The following ANKS1B variants were observed in gnomAD, a reference collection of about 807,000 sequenced individuals.
ANKS1B encodes the protein ankyrin repeat and sterile alpha motif domain-containing protein 1B.
Under a neutral mutation model 148.3 loss-of-function variants are expected in ANKS1B, and 36 were observed. That is an observed-to-expected ratio of 0.24 (90% CI 0.19 to 0.32). ANKS1B has a LOEUF of 0.32. Among genes scored for constraint, ANKS1B ranks in the 10% least tolerant of loss-of-function variants. The probability of loss-of-function intolerance (pLI) is 1.00; values close to 1 mark genes in which losing one functional copy is unlikely to be tolerated. For missense variants in ANKS1B, 1,157 were observed against 1,542.6 expected, an observed-to-expected ratio of 0.75 and a Z score of 4.19; for synonymous variants, 542 against 560.8, an observed-to-expected ratio of 0.97 and a Z score of 0.47.
chr12:98,887,757 G>A (rs1234488607), intron 17 of ANKS1B, among the ~76,000 whole-genome samples: 2 of 152,012 alleles, frequency 1.3e-5, no homozygotes, highest in Non-Finnish European at 2.9e-5. Context: ...ACAGGTGTGT[G>A]CCACCACACT....
At chr12:98,929,090 T>C (rs1426560939) in intron 17 of ANKS1B, among the ~76,000 whole-genome samples, 1 of 151,734 alleles carries the variant, frequency 6.6e-6, no homozygotes, top group East Asian at 1.9e-4. Flanking sequence ...CGAGGTTTCC[T>C]GATACAAGAT....
At chr12:99,078,003 G>C (rs1336375373) in intron 16 of ANKS1B, among the ~76,000 whole-genome samples, 1 of 152,104 alleles carries the variant, frequency 6.6e-6, no homozygotes, top group Non-Finnish European at 1.5e-5. Flanking sequence ...GTTTATGAAA[G>C]AAACCCACAG....
chr12:99,447,965 G>C (rs2095663440), intron 10 of ANKS1B, among the ~76,000 whole-genome samples: 1 of 152,132 alleles, frequency 6.6e-6, no homozygotes, highest in African/African-American at 2.4e-5. Flanking sequence ...ATGCTAGCAA[G>C]GGTGTGGAGA....
chr12:98,784,774 G>C (rs59709967), intron 22 of ANKS1B, among the ~76,000 whole-genome samples: 3 of 152,144 alleles, frequency 2.0e-5, no homozygotes, highest in African/African-American at 7.2e-5. Context: ...ACAAAAAAAA[G>C]AAAAGATGAA....
At chr12:99,439,330 C>A (rs1567103140) in intron 11 of ANKS1B, among the ~76,000 whole-genome samples, 1 of 151,542 alleles carries the variant, frequency 6.6e-6, no homozygotes, top group Non-Finnish European at 1.5e-5. Context: ...ATATTCTGCT[C>A]ATCAAAAGGC....
At chr12:99,598,464 T>C (rs2097774996) in intron 9 of ANKS1B, among the ~76,000 whole-genome samples, 1 of 152,094 alleles carries the variant, frequency 6.6e-6, no homozygotes, top group Non-Finnish European at 1.5e-5. Flanking sequence ...ATTCTACAGA[T>C]ATGGAAACAG....
intron 3 of ANKS1B, 99 bp from the exon 4 acceptor site, chr12:99,806,799 A>G: frequency 9.0e-7 from 1 of 1,114,114 alleles, no homozygotes; most frequent in South Asian, 1.6e-5. Context: ...TTGAAATGTA[A>G]GTTAAGATTT....
At chr12:99,254,251 T>C (rs1291767991) in intron 12 of ANKS1B, among the ~76,000 whole-genome samples, 1 of 152,238 alleles carries the variant, frequency 6.6e-6, no homozygotes, top group Non-Finnish European at 1.5e-5. Flanking sequence ...CTGTAGAACA[T>C]ATACACTAAA....
rs745991921 is a variant in ANKS1B, at chr12:99,655,206, G to T, written c.1133C>A (p.Thr378Asn). ...TGGTGACAAATTGATTGTAGATGAG[G>T]TTCTCTGAAATTAAATTTATATCAT... ...LGKNGSQSVRTSSTINLSPGE... is the reference protein window; with the variant it reads ...LGKNGSQSVRNSSTINLSPGE... The change falls in exon 9 of 27, where the codon ACC becomes AAC. Residue 378 changes from threonine (T) to asparagine (N), a missense_variant. This residue lies in a region of ANKS1B where 661 missense variants were observed against 642.1 expected (regional missense o/e 1.03). Coordinates refer to ENST00000683438, the MANE Select transcript of ANKS1B (RefSeq NM_001352186.2). 1.2e-6 allele frequency: 2 copies of T among 1,604,414 alleles called. No homozygotes were observed. The highest frequency in any genetic ancestry group is 1.3e-5 in the African/African-American group (1 of 74,536).
chr12:99,155,153 T>C (rs2075865870), intron 14 of ANKS1B: 4 of 1,468,576 alleles, frequency 2.7e-6, no homozygotes, highest in South Asian at 2.8e-5. Context: ...GCTTGAACTA[T>C]AGCTTATAAC....
intron 24 of ANKS1B, among the ~76,000 whole-genome samples, chr12:98,779,680 T>C (rs2098714871): frequency 6.6e-6 from 1 of 152,236 alleles, no homozygotes; most frequent in Non-Finnish European, 1.5e-5. Flanking sequence ...CTATAATGTG[T>C]TCCATAAAGT....
chr12:99,681,155 T>C (rs904240365), intron 8 of ANKS1B, among the ~76,000 whole-genome samples: 7 of 152,102 alleles, frequency 4.6e-5, no homozygotes, highest in African/African-American at 1.7e-4. Flanking sequence ...CAGGCAACCT[T>C]AAAGCAAGCT....
At chr12:99,443,882 G>A in intron 10 of ANKS1B, 73 bp from the exon 11 acceptor site, 1 of 1,501,204 alleles carries the variant, frequency 6.7e-7, no homozygotes, top group Non-Finnish European at 8.9e-7. Flanking sequence ...TTAATTTTCT[G>A]AACATAAATT....
At chr12:99,490,125 T>C (rs2096541594) in intron 10 of ANKS1B, among the ~76,000 whole-genome samples, 1 of 152,254 alleles carries the variant, frequency 6.6e-6, no homozygotes, top group African/African-American at 2.4e-5. Flanking sequence ...CTTTGTTGTC[T>C]TTGTGTCTTA....
At chr12:99,250,398 A>C (rs2074428218) in intron 12 of ANKS1B, among the ~76,000 whole-genome samples, 2 of 152,244 alleles carry the variant, frequency 1.3e-5, no homozygotes, top group Non-Finnish European at 2.9e-5. Context: ...GTCCCTCCAC[A>C]GCAAGAGCTC....
intron 14 of ANKS1B, among the ~76,000 whole-genome samples, chr12:99,170,574 C>T (rs2077647587): frequency 2.0e-5 from 3 of 152,050 alleles, no homozygotes; most frequent in Admixed American, 1.3e-4. Context: ...AAATATATAC[C>T]TGTGTTGTTC....
At position 99,511,199 on chromosome 12, in the gene ANKS1B, A is replaced by T. The variant is rs148346060; in HGVS notation, c.1273-6558T>A. ...GTTATTATTTGAGGTATGTTCCTTCAAAACCTAGTTTATTCAGAATTTTTA... is the reference window on the plus strand; with the variant it reads ...GTTATTATTTGAGGTATGTTCCTTCTAAACCTAGTTTATTCAGAATTTTTA... On this transcript the variant is annotated intron_variant, in intron 9 of 26. Coordinates refer to ENST00000683438, the MANE Select transcript of ANKS1B (RefSeq NM_001352186.2). Among the ~76,000 whole-genome samples, 1,223 of 152,074 alleles carry T rather than the reference A, an allele frequency of 8.0e-3. 12 individuals are homozygous for T. Among genetic ancestry groups the T allele is most frequent in the African/African-American group, 0.028 (1,172 of 41,520 alleles).
rs113417666 is a variant in ANKS1B, at chr12:99,784,998, C to T, written c.670-2901G>A. Among the ~76,000 whole-genome samples, 222 of 152,132 alleles carry T rather than the reference C, an allele frequency of 1.5e-3. 1 individual carries two copies. Among genetic ancestry groups the T allele is most frequent in the African/African-American group, 4.9e-3 (204 of 41,494 alleles). ...CATCTATTTTTTCACCATTGTATCC[C>T]CAATGCCTAGCAAAGTACTTTGAAA... On this transcript the variant is annotated intron_variant, in intron 4 of 26. Coordinates refer to ENST00000683438, the MANE Select transcript of ANKS1B (RefSeq NM_001352186.2).
chr12:98,958,417 G>A (rs2099865982), intron 17 of ANKS1B, among the ~76,000 whole-genome samples: 1 of 152,224 alleles, frequency 6.6e-6, no homozygotes, highest in South Asian at 2.1e-4. Context: ...GTGATAGGCA[G>A]TCAACAACCC....
Sources: gnomAD v4.1 joint callset for allele counts (sites outside exome capture counted in the v4.1 genomes callset) on GRCh38, gnomAD v4.1.1 for gene constraint, gnomAD v4.1.1 regional missense constraint, MANE v1.5 for transcripts, NCBI Gene and HGNC (gene_info 2026-07-23, HGNC 2026-07-21) for gene names.